GARRE1: variants seen among roughly 807,000 people sequenced by gnomAD.
GARRE1 encodes the protein granule associated Rac and RHOG effector protein 1.
GARRE1 carries 49 observed loss-of-function variants against 103.2 expected under a neutral mutation model. That is an observed-to-expected ratio of 0.47 (90% CI 0.38 to 0.60). The LOEUF (loss-of-function observed/expected upper bound fraction) is 0.60, where lower values mean the gene tolerates loss of function less well. Among genes scored for constraint, GARRE1 ranks in the 20% least tolerant of loss-of-function variants. GARRE1 has a pLI of 0.00. For synonymous variants in GARRE1, 505 were observed against 532.8 expected (o/e 0.95, Z 0.72); for missense variants, 1,199 against 1,370.5 (o/e 0.87, Z 1.98).
At position 34,327,858 on chromosome 19, in the gene GARRE1, A is replaced by T. The variant is rs1454299606; in HGVS notation, c.934A>T (p.Ser312Cys). 1.2e-6 allele frequency: 2 copies of T among 1,614,080 alleles called. No homozygotes were observed. The highest frequency in any genetic ancestry group is 1.7e-5 in the Admixed American group (1 of 60,010). ...CCTGAATCCAAAGGCGATTGAAGCA[A>T]GTTTGCAGGTACACTTTTCCTTCCT... ...FHLNPKAIEA[S>C]LQGCCSEAEA... Residue 312 changes from serine (S) to cysteine (C), a missense_variant, in exon 5 of 14, where the codon AGT becomes TGT. Physicochemically the swap from Ser to Cys is moderately radical, Grantham distance 112 (BLOSUM62 -1). Coordinates refer to ENST00000299505, the MANE Select transcript of GARRE1 (RefSeq NM_014686.5).
intron 3 of GARRE1, among the ~76,000 whole-genome samples, chr19:34,325,364 G>A (rs2074106782): frequency 6.6e-6 from 1 of 152,116 alleles, no homozygotes; most frequent in Non-Finnish European, 1.5e-5. Flanking sequence ...AGCTGCTACC[G>A]GGGGTCTCAC....
At position 34,327,423 on chromosome 19, in the gene GARRE1, G is replaced by A. The variant is rs143448616; in HGVS notation, c.708G>A (p.Ala236=). 24 of 1,613,772 alleles carry A rather than the reference G, an allele frequency of 1.5e-5. No individual in the cohort carries two copies. In the African/African-American group the frequency reaches 1.7e-4, roughly 12 times the overall value. The change falls in exon 4 of 14, where the codon GCG becomes GCA. Residue 236 remains alanine, a splice_region_variant and synonymous_variant. Transcript: ENST00000299505. ...ACCAGTTACTATATATGTTACAGGC[G>A]ACATCTAGACTAAGAGAAAGAGGCT... ...AVRSWRGAAE[A]TSRLRERGCD...
chr19:34,332,074 T>G (rs1356497253), intron 7 of GARRE1, among the ~76,000 whole-genome samples: 1 of 152,110 alleles, frequency 6.6e-6, no homozygotes, highest in Non-Finnish European at 1.5e-5. Flanking sequence ...AGAACTTGTT[T>G]TTTAGTCTGG....
At chr19:34,262,020 G>A (rs999854479) in intron 1 of GARRE1, among the ~76,000 whole-genome samples, 2 of 151,912 alleles carry the variant, frequency 1.3e-5, no homozygotes, top group Non-Finnish European at 2.9e-5. Flanking sequence ...ATCTTGCTCT[G>A]TCACCCTGGC....
intron 1 of GARRE1, among the ~76,000 whole-genome samples, chr19:34,266,679 T>C (rs2073753641): frequency 6.6e-6 from 1 of 152,164 alleles, no homozygotes; most frequent in African/African-American, 2.4e-5. Context: ...GAAGGTTTGC[T>C]GGGTATGCAA....
chr19:34,342,216 C>G lies in GARRE1; in HGVS notation c.2282C>G (p.Ser761Cys). ...RAPGKWVHGSSQQPAQAVGAG... is the reference protein window; with the variant it reads ...RAPGKWVHGSCQQPAQAVGAG... ...CCTGGGAAATGGGTACATGGCTCAT[C>G]CCAGCAGCCAGCGCAGGCTGTTGGA... is the stretch of plus-strand genomic sequence containing the variant. Residue 761 changes from serine to cysteine, a missense_variant, in exon 10 of 14, where the codon TCC (serine) becomes TGC (cysteine). Ser to Cys is a moderately radical substitution (Grantham distance 112). Coordinates refer to ENST00000299505, the MANE Select transcript of GARRE1 (RefSeq NM_014686.5). 6.2e-7 allele frequency: 1 copy of G among 1,614,248 alleles called. No individual in the cohort carries two copies. Among genetic ancestry groups the G allele is most frequent in the Non-Finnish European group, 8.5e-7 (1 of 1,180,050 alleles).
chr19:34,296,541 C>A (rs747458752), intron 1 of GARRE1: 57 of 1,595,056 alleles, frequency 3.6e-5, no homozygotes, highest in Non-Finnish European at 4.8e-5. Flanking sequence ...AGCCTCGGCA[C>A]GTGCACTCAT....
chr19:34,328,097 C>A lies in GARRE1; in HGVS notation c.1050C>A (p.Phe350Leu). The A allele has an allele frequency of 6.2e-7, 1 of 1,614,112 alleles. No homozygotes were observed. Among genetic ancestry groups the A allele is most frequent in the East Asian group, 2.2e-5 (1 of 44,884 alleles). Residue 350 changes from phenylalanine to leucine, a missense_variant, in exon 6 of 14, where the codon TTC becomes TTA. Transcript: ENST00000299505. The stretch of plus-strand genomic sequence containing the variant: ...TCCCTGTGCAGATAGGATCGCACTT[C>A]CTGAAGGGCGTCTCCTTTAATGAGT... ...PTVPVQIGSH[F>L]LKGVSFNESA...
At chr19:34,333,879 G>A in intron 8 of GARRE1, 78 bp downstream of exon 8, 2 of 896,946 alleles carry the variant, frequency 2.2e-6, no homozygotes, top group Non-Finnish European at 3.8e-6. Flanking sequence ...GCCTTGTTTT[G>A]AACAATGCCC....
At chr19:34,278,996 G>A (rs994094220) in intron 1 of GARRE1, among the ~76,000 whole-genome samples, 3 of 152,054 alleles carry the variant, frequency 2.0e-5, no homozygotes, top group African/African-American at 7.2e-5. Context: ...CTAAATAATA[G>A]TCCATTGTAT....
chr19:34,331,570 A>T (rs1317557445), intron 7 of GARRE1, among the ~76,000 whole-genome samples: 1 of 152,224 alleles, frequency 6.6e-6, no homozygotes, highest in Non-Finnish European at 1.5e-5. Flanking sequence ...AGAGAAAAAA[A>T]AAACTTTGCC....
intron 1 of GARRE1, among the ~76,000 whole-genome samples, chr19:34,266,394 CT>C (rs1441245857): frequency 2.0e-5 from 3 of 152,174 alleles, no homozygotes; most frequent in African/African-American, 7.2e-5. Flanking sequence ...AGGAGTCTCG[CT>C]TTGTCACCCA....
chr19:34,284,634 G>A (rs1207904917), intron 1 of GARRE1, among the ~76,000 whole-genome samples: 4 of 152,092 alleles, frequency 2.6e-5, no homozygotes, highest in Non-Finnish European at 4.4e-5. Flanking sequence ...AAACTTAAGA[G>A]TACATGACAA....
intron 8 of GARRE1, among the ~76,000 whole-genome samples, chr19:34,337,974 A>G (rs2074168631): frequency 6.6e-6 from 1 of 152,192 alleles, no homozygotes; most frequent in African/African-American, 2.4e-5. Flanking sequence ...TCAGCTGCCA[A>G]GATTCTCTCT....
intron 1 of GARRE1, chr19:34,296,559 G>A: frequency 6.3e-7 from 1 of 1,593,448 alleles, no homozygotes; most frequent in East Asian, 2.2e-5. Flanking sequence ...CATGGCCTTG[G>A]CATTGTTGGC....
intron 1 of GARRE1, among the ~76,000 whole-genome samples, chr19:34,282,238 G>A (rs1300304225): frequency 4.7e-5 from 6 of 128,394 alleles, no homozygotes; most frequent in Non-Finnish European, 9.1e-5. Flanking sequence ...TGCAACCTCC[G>A]CCTCCTGGGT....
rs2074249419 is a variant in GARRE1 at position 34,353,073 on chromosome 19, A to AT, written c.*119dup. ...GCCCCTCAGAGGACCAGTGCGCCCC[A>AT]TCCCAGGGAGGGTTCCTTGGGGACA... On this transcript the variant is annotated 3_prime_UTR_variant, in exon 14 of 14. Coordinates refer to ENST00000299505, the MANE Select transcript of GARRE1 (RefSeq NM_014686.5). 2 of 969,508 alleles carry AT rather than the reference A, an allele frequency of 2.1e-6. No individual in the cohort carries two copies. The highest frequency in any genetic ancestry group is 1.6e-5 in the African/African-American group (1 of 61,882). 60.1% of individuals were successfully genotyped at this position (969,508 alleles called of 1,614,324 possible).
chr19:34,254,879 C>T (rs1226749992), intron 1 of GARRE1, among the ~76,000 whole-genome samples: 9 of 150,700 alleles, frequency 6.0e-5, no homozygotes, highest in East Asian at 1.9e-4. Context: ...CCTGGGGGCG[C>T]GTCGGAGACT....
At chr19:34,278,665 A>T (rs1364187139) in intron 1 of GARRE1, among the ~76,000 whole-genome samples, 1 of 151,860 alleles carries the variant, frequency 6.6e-6, no homozygotes, top group Non-Finnish European at 1.5e-5. Flanking sequence ...GCATGTTATT[A>T]GAATTTCCTT....
Sources: gnomAD v4.1 joint callset for allele counts (sites outside exome capture counted in the v4.1 genomes callset) on GRCh38, gnomAD v4.1.1 for gene constraint, MANE v1.5 for transcripts, NCBI Gene and HGNC (gene_info 2026-07-23, HGNC 2026-07-21) for gene names.